RAPGEF5: variants seen among roughly 807,000 people sequenced by gnomAD.
RAPGEF5 encodes the protein Rap guanine nucleotide exchange factor 5, also known as M-Ras-regulated GEF.
A neutral mutation model predicts 125.2 loss-of-function variants in RAPGEF5; 65 were observed. The ratio of observed to expected loss-of-function variants is 0.52; its 90% CI spans 0.43 to 0.64. The LOEUF (loss-of-function observed/expected upper bound fraction) is 0.64, where lower values mean the gene tolerates loss of function less well. RAPGEF5 is among the 30% of genes least tolerant of loss of function. RAPGEF5 has a pLI of 0.00. For missense variants in RAPGEF5, 958 were observed against 1,048.1 expected (o/e 0.91, Z 1.19); for synonymous variants, 391 against 385.9 (o/e 1.01, Z -0.16).
intron 9 of RAPGEF5, among the ~76,000 whole-genome samples, chr7:22,206,383 A>C (rs1202787068): frequency 2.0e-5 from 3 of 152,244 alleles, no homozygotes; most frequent in Admixed American, 2.0e-4. Flanking sequence ...CTTACATTAC[A>C]AAAATAAATC....
intron 7 of RAPGEF5, among the ~76,000 whole-genome samples, chr7:22,255,406 T>G (rs1004670269): frequency 1.3e-5 from 2 of 151,782 alleles, no homozygotes; most frequent in Admixed American, 6.6e-5. Context: ...CTGGGCAACA[T>G]AGCAAGACCC....
intron 1 of RAPGEF5, among the ~76,000 whole-genome samples, chr7:22,327,862 TG>T (rs1456475195): frequency 1.3e-5 from 2 of 152,210 alleles, no homozygotes; most frequent in African/African-American, 4.8e-5. Context: ...TCAGTAGGTC[TG>T]GGGTGAAGCC....
intron 1 of RAPGEF5, among the ~76,000 whole-genome samples, chr7:22,348,115 C>T (rs1346888072): frequency 6.6e-6 from 1 of 152,152 alleles, no homozygotes; most frequent in Non-Finnish European, 1.5e-5. Flanking sequence ...GGTCTTGTGG[C>T]ACAGGCTTCA....
chr7:22,318,154 A>G (rs1783641560), intron 1 of RAPGEF5, 117 bp from the exon 2 acceptor site: 5 of 968,120 alleles, frequency 5.2e-6, no homozygotes, highest in South Asian at 3.6e-5. Flanking sequence ...AAAAAAAAAA[A>G]TGAGCTTAAA....
At chr7:22,250,618 A>T (rs1786595132) in intron 7 of RAPGEF5, among the ~76,000 whole-genome samples, 1 of 152,222 alleles carries the variant, frequency 6.6e-6, no homozygotes, top group Non-Finnish European at 1.5e-5. Context: ...TTCCCTTGAT[A>T]GCTCTTACTT....
At chr7:22,258,886 T>C (rs541219655) in intron 7 of RAPGEF5, among the ~76,000 whole-genome samples, 1 of 152,046 alleles carries the variant, frequency 6.6e-6, no homozygotes, top group African/African-American at 2.4e-5. Flanking sequence ...CAGACCTACA[T>C]GTAAAATGTG....
chr7:22,335,047 A>C (rs1026726949), intron 1 of RAPGEF5, among the ~76,000 whole-genome samples: 1 of 152,254 alleles, frequency 6.6e-6, no homozygotes, highest in African/African-American at 2.4e-5. Context: ...ATGTGAACAC[A>C]AAAGCCTCCA....
chr7:22,118,600 C>G lies in RAPGEF5; in HGVS notation c.*3806G>C, dbSNP rs1359235479. 8 of 152,488 alleles carry G rather than the reference C, an allele frequency of 5.2e-5. No individual in the cohort carries two copies. The allele number at this position is 152,488 out of a possible 1,614,324, so 9.4% of individuals were successfully genotyped here. A position where few individuals can be genotyped will look rare whatever the true frequency, so the allele number is the denominator to read the frequency against. On this transcript the variant is annotated 3_prime_UTR_variant, in exon 26 of 26. Transcript: ENST00000665637. ...AGTTCTTTAAATGGTGGAAAACTAC[C>G]AAGTGTAGTCCCTGAGAAGTTAGGT...
At chr7:22,292,095 C>T (rs1053570321) in intron 5 of RAPGEF5, among the ~76,000 whole-genome samples, 6 of 151,866 alleles carry the variant, frequency 4.0e-5, no homozygotes, top group East Asian at 1.9e-4. Context: ...GGACAGGGGG[C>T]GGAGGGGGGA....
intron 1 of RAPGEF5, among the ~76,000 whole-genome samples, chr7:22,323,024 C>T (rs939768024): frequency 1.3e-5 from 2 of 152,162 alleles, no homozygotes; most frequent in Non-Finnish European, 2.9e-5. Flanking sequence ...CATGGGGATC[C>T]GTGGCTGAAC....
At chr7:22,145,367 T>G in intron 19 of RAPGEF5, 145 bp from the exon 20 acceptor site, 1 of 727,932 alleles carries the variant, frequency 1.4e-6, no homozygotes, top group Non-Finnish European at 2.1e-6. Flanking sequence ...AGTAATACAT[T>G]AAATTCAAAA....
Sources: allele counts gnomAD v4.1 joint callset (sites outside exome capture counted in the v4.1 genomes callset), GRCh38; gene constraint gnomAD v4.1.1; transcripts MANE v1.5; gene names NCBI Gene and HGNC (gene_info 2026-07-23, HGNC 2026-07-21).